LIMCH1: variants seen among roughly 807,000 people sequenced by gnomAD.
LIMCH1 encodes the protein LIM and calponin homology domains 1.
In LIMCH1, 113 loss-of-function variants were observed where a neutral mutation model predicts 176.5. The observed-to-expected ratio is 0.64, with a 90% CI of 0.55 to 0.75. The LOEUF is 0.75. Among genes scored for constraint, LIMCH1 ranks in the 30% least tolerant of loss-of-function variants. The pLI is 0.00. For synonymous variants in LIMCH1, 619 were observed against 645.9 expected (o/e 0.96, Z 0.63); for missense variants, 1,674 against 1,814.9 (o/e 0.92, Z 1.41).
chr4:41,458,556 A>C (rs1336913147), intron 1 of LIMCH1, among the ~76,000 whole-genome samples: 1 of 151,930 alleles, frequency 6.6e-6, no homozygotes, highest in Non-Finnish European at 1.5e-5. Context: ...GCGGCCAATC[A>C]CGAGGTCAAG....
At chr4:41,412,153 C>T (rs1244060742) in intron 1 of LIMCH1, among the ~76,000 whole-genome samples, 5 of 152,082 alleles carry the variant, frequency 3.3e-5, no homozygotes, top group Non-Finnish European at 7.4e-5. Context: ...CTCATCCTCA[C>T]AGCGGGGCAT....
chr4:41,473,025 G>T, intron 1 of LIMCH1: 6 of 984,608 alleles, frequency 6.1e-6, no homozygotes, highest in Non-Finnish European at 6.0e-6. Context: ...AAATGCGAAG[G>T]CCAATCTCCA....
At chr4:41,494,464 C>A in intron 1 of LIMCH1, 1 of 1,015,498 alleles carries the variant, frequency 9.8e-7, no homozygotes, top group Non-Finnish European at 1.5e-6. Context: ...TACACACACA[C>A]ATATATATAT....
chr4:41,444,353 CAT>C (rs1393026861), intron 1 of LIMCH1, among the ~76,000 whole-genome samples: 27 of 126,544 alleles, frequency 2.1e-4, no homozygotes, highest in East Asian at 1.2e-3. Flanking sequence ...CACACACACA[CAT>C]ATATAGAGTG....
intron 2 of LIMCH1, among the ~76,000 whole-genome samples, chr4:41,499,247 A>G (rs2072772466): frequency 6.6e-6 from 1 of 152,182 alleles, no homozygotes. Context: ...ATATCCATAT[A>G]CCCTGCACCT....
chr4:41,419,561 C>CCCTTCCTTCCTTCCGT (rs1561308553), intron 1 of LIMCH1, among the ~76,000 whole-genome samples: 29 of 116,276 alleles, frequency 2.5e-4, no homozygotes, highest in Non-Finnish European at 4.5e-4. Context: ...CTTTCCTTTC[C>CCCTTCCTTCCTTCCGT]CCTTCCTTCC....
chr4:41,445,440 C>T (rs2063189105), intron 1 of LIMCH1, among the ~76,000 whole-genome samples: 1 of 152,176 alleles, frequency 6.6e-6, no homozygotes, highest in South Asian at 2.1e-4. Context: ...AAGCCATTGC[C>T]ATCTTCTGAG....
intron 1 of LIMCH1, among the ~76,000 whole-genome samples, chr4:41,548,067 C>T (rs2079846703): frequency 6.6e-6 from 1 of 151,510 alleles, no homozygotes; most frequent in Admixed American, 6.6e-5. Context: ...GGAATAAAGG[C>T]ATATGGATCA....
chr4:41,524,362 C>A (rs750195845), intron 2 of LIMCH1: 29 of 1,395,722 alleles, frequency 2.1e-5, no homozygotes, highest in Non-Finnish European at 2.9e-5. Flanking sequence ...TTTGTGTGAT[C>A]CATCTTGCTT....
intron 22 of LIMCH1, 116 bp from the exon 23 acceptor site, chr4:41,676,266 T>C: frequency 1.5e-6 from 1 of 679,770 alleles, no homozygotes; most frequent in Non-Finnish European, 2.6e-6. Context: ...TATGAAGCCT[T>C]CTGCTCCTGT....
rs28758545 is a variant in LIMCH1, at chr4:41,366,000, A to G, written c.96+5064A>G. Among the ~76,000 whole-genome samples the G allele has an allele frequency of 8.1e-3, 1,229 of 152,292 alleles. 19 individuals carry two copies. The highest frequency in any genetic ancestry group is 0.028 in the African/African-American group (1,183 of 41,548). On this transcript the variant is annotated intron_variant, in intron 1 of 26. Coordinates refer to the LIMCH1 transcript ENST00000313860. The stretch of plus-strand genomic sequence containing the variant: ...GCTCTCTGCTGATGGATGACAATAG[A>G]GCCATGATGTAGACAGTTGGCCTTG...
In LIMCH1 at chr4:41,451,149, C is replaced by T. The variant is rs565679761; in HGVS notation, c.97-43387C>T. 8.5e-5 allele frequency among the ~76,000 whole-genome samples: 13 copies of T among 152,180 alleles called. No individual in the cohort carries two copies. The South Asian group carries it at 2.7e-3, about 32-fold the overall frequency. On this transcript the variant is annotated intron_variant, in intron 1 of 26. Coordinates refer to the LIMCH1 transcript ENST00000313860. Reference sequence around the variant, plus strand: ...TTATTTTTTGAGATGGAGTTTCACTCTTGGTGCCCAGGCTGGAGTGCAATG... The same window carrying T: ...TTATTTTTTGAGATGGAGTTTCACTTTTGGTGCCCAGGCTGGAGTGCAATG...
At chr4:41,623,647 G>C (rs1290690187) in intron 7 of LIMCH1, among the ~76,000 whole-genome samples, 1 of 152,174 alleles carries the variant, frequency 6.6e-6, no homozygotes, top group African/African-American at 2.4e-5. Context: ...TGTAATCCCA[G>C]CTACTTGGGA....
chr4:41,383,986 A>C (rs1005078484), intron 1 of LIMCH1, among the ~76,000 whole-genome samples: 2 of 152,224 alleles, frequency 1.3e-5, no homozygotes, highest in African/African-American at 4.8e-5. Context: ...GGCAAGAGGA[A>C]TTTTCAAGAA....
At position 41,646,214 on chromosome 4, in the gene LIMCH1, C is replaced by T. The variant is rs201981694; in HGVS notation, c.2345C>T (p.Ala782Val). 1 of 1,614,014 alleles carries T rather than the reference C, an allele frequency of 6.2e-7. No individual in the cohort carries two copies. Among genetic ancestry groups the T allele is most frequent in the Non-Finnish European group, 8.5e-7 (1 of 1,179,982 alleles). The part of the protein sequence containing the change: ...EERKKMEKLL[A>V]GEDGTSERRK... ...AGGAAAAAAATGGAGAAGTTACTGG[C>T]TGGAGAAGATGGGACAAGTGAACGA... The change falls in exon 16 of 32, where the codon GCT (alanine) becomes GTT (valine). Residue 782 changes from alanine (A) to valine (V), a missense_variant. This residue lies in a region of LIMCH1 where 1,015 missense variants were observed against 1,102.5 expected (regional missense o/e 0.92). Transcript: ENST00000503057.
intron 1 of LIMCH1, among the ~76,000 whole-genome samples, chr4:41,379,091 A>G (rs2055233512): frequency 6.6e-6 from 1 of 152,188 alleles, no homozygotes; most frequent in South Asian, 2.1e-4. Flanking sequence ...ACCAACAAGT[A>G]TTTATTATTT....
At chr4:41,640,786 A>G (rs2093786475) in intron 14 of LIMCH1, among the ~76,000 whole-genome samples, 1 of 152,198 alleles carries the variant, frequency 6.6e-6, no homozygotes, top group South Asian at 2.1e-4. Flanking sequence ...TTAATAATTG[A>G]CACATTCTTA....
intron 1 of LIMCH1, among the ~76,000 whole-genome samples, chr4:41,416,940 C>T (rs923386814): frequency 9.2e-5 from 14 of 152,250 alleles, no homozygotes; most frequent in African/African-American, 3.4e-4. Flanking sequence ...TGGATCCCTG[C>T]ACTTGGCCTG....
At chr4:41,510,599 T>G (rs1320590965) in intron 2 of LIMCH1, among the ~76,000 whole-genome samples, 1 of 152,140 alleles carries the variant, frequency 6.6e-6, no homozygotes, top group Admixed American at 6.5e-5. Flanking sequence ...AATGATTTTT[T>G]TTTTTTGAGA....
Sources: allele counts gnomAD v4.1 joint callset (sites outside exome capture counted in the v4.1 genomes callset), GRCh38; gene constraint gnomAD v4.1.1; regional missense constraint gnomAD v4.1.1; transcripts MANE v1.5; gene names NCBI Gene and HGNC (gene_info 2026-07-23, HGNC 2026-07-21).